The following XPO6 variants were observed in gnomAD, a reference collection of about 807,000 sequenced individuals.
The protein encoded by XPO6 is exportin 6.
In XPO6, 3 loss-of-function variants were observed where a neutral mutation model predicts 130.0. The observed-to-expected ratio is 0.02, with a 90% CI of 0.01 to 0.06. XPO6 has a LOEUF of 0.06. Ranked by LOEUF, XPO6 falls within the 10% of genes least tolerant of loss-of-function variation. XPO6 has a pLI of 1.00. For missense variants in XPO6, 970 were observed against 1,393.0 expected, an observed-to-expected ratio of 0.70 and a Z score of 4.83; for synonymous variants, 524 against 548.9, an observed-to-expected ratio of 0.95 and a Z score of 0.63.
chr16:28,156,691 C>A lies in XPO6; in HGVS notation c.644-164G>T, dbSNP rs556381900. On this transcript the variant is annotated intron_variant, in intron 6 of 23. Transcript: ENST00000304658. ...AAATCTATATGCTCAAAGTTAAACA[C>A]TAATTAGGAAATTTTAACAGTACAG... is the stretch of plus-strand genomic sequence containing the variant. Among the ~76,000 whole-genome samples the A allele has an allele frequency of 3.9e-5, 6 of 152,102 alleles. 1 individual carries two copies. In the South Asian group the frequency reaches 1.2e-3, roughly 32 times the overall value.
At chr16:28,175,854 A>C (rs542928329) in intron 4 of XPO6, 44 bp downstream of exon 4, 3 of 1,576,352 alleles carry the variant, frequency 1.9e-6, no homozygotes, top group African/African-American at 2.7e-5. Flanking sequence ...CACTTCAACA[A>C]ACAAACTATT....
intron 1 of XPO6, among the ~76,000 whole-genome samples, chr16:28,184,207 T>C (rs932955244): frequency 2.0e-5 from 3 of 152,218 alleles, no homozygotes; most frequent in Non-Finnish European, 4.4e-5. Context: ...CCAAAGGCTA[T>C]TCAAAAACTT....
intron 5 of XPO6, 175 bp from the exon 6 acceptor site, chr16:28,166,760 G>C: frequency 1.0e-6 from 1 of 985,348 alleles, no homozygotes; most frequent in Non-Finnish European, 1.2e-6. Flanking sequence ...GCTATCTTCT[G>C]GCTCTCCACT....
chr16:28,194,948 C>T (rs1331975109), intron 1 of XPO6, among the ~76,000 whole-genome samples: 1 of 150,474 alleles, frequency 6.6e-6, no homozygotes, highest in East Asian at 1.9e-4. Flanking sequence ...TCCATGTCTT[C>T]ACACACACCA....
At position 28,101,971 on chromosome 16, in the gene XPO6, A is replaced by G. The variant is rs367883989; in HGVS notation, c.2947-26T>C. Reference sequence around the variant, plus strand: ...CTAGGAAATGAGACCACCATTTTATAAACTGCAAGACCAAGCACTTCTGGA... The same window carrying G: ...CTAGGAAATGAGACCACCATTTTATGAACTGCAAGACCAAGCACTTCTGGA... On this transcript the variant is annotated intron_variant, in intron 21 of 23. Coordinates refer to ENST00000304658, the MANE Select transcript of XPO6 (RefSeq NM_015171.4). The surrounding 1 kb of genome is among the most constrained non-coding windows in gnomAD (Gnocchi z 5.4). 2 of 1,596,486 alleles carry G rather than the reference A, an allele frequency of 1.3e-6. No homozygotes were observed. Among genetic ancestry groups the G allele is most frequent in the African/African-American group, 2.7e-5 (2 of 74,446 alleles).
rs8054256 is a variant in XPO6, at chr16:28,133,812, A to T, written c.1536+29T>A. 4.0e-3 allele frequency: 6,424 copies of T among 1,610,564 alleles called. 218 individuals are homozygous for T. In the African/African-American group the frequency reaches 0.076, roughly 19 times the overall value. Reference sequence around the variant, plus strand: ...GCTCTGTGTACAGAGAAATCGCTACACTCTCCACTCCCCCGGACAGCACAT... The same window carrying T: ...GCTCTGTGTACAGAGAAATCGCTACTCTCTCCACTCCCCCGGACAGCACAT... On this transcript the variant is annotated intron_variant, in intron 11 of 23. Transcript: ENST00000304658.
chr16:28,114,155 A>G (rs2086995896), intron 15 of XPO6, among the ~76,000 whole-genome samples: 1 of 151,678 alleles, frequency 6.6e-6, no homozygotes, highest in Non-Finnish European at 1.5e-5. Context: ...ATGGACATAA[A>G]AGGAACTCAT....
chr16:28,171,194 G>C (rs1320339388), intron 4 of XPO6, among the ~76,000 whole-genome samples: 1 of 151,734 alleles, frequency 6.6e-6, no homozygotes, highest in Non-Finnish European at 1.5e-5. Context: ...GGTACGGGCT[G>C]GGCGTGGTGG....
In XPO6 at chr16:28,152,749, A is replaced by G; in HGVS notation, c.1134T>C (p.Phe378=). 9 of 1,613,716 alleles carry G rather than the reference A, an allele frequency of 5.6e-6. No individual in the cohort carries two copies. The highest frequency in any genetic ancestry group is 7.6e-6 in the Non-Finnish European group (9 of 1,179,816). Residue 378 remains phenylalanine, a synonymous_variant, in exon 8 of 24, where the codon TTT becomes TTC. Coordinates refer to ENST00000304658, the MANE Select transcript of XPO6 (RefSeq NM_015171.4). ...IEKFTDFLRL[F]VSVHLRRIES... ...CGATTCTTCTTAGGTGAACACTCAC[A>G]AAGAGCCGAAGAAAGTCAGTAAACT...
intron 1 of XPO6, among the ~76,000 whole-genome samples, chr16:28,201,581 G>C (rs931747728): frequency 6.6e-6 from 1 of 152,220 alleles, no homozygotes; most frequent in African/African-American, 2.4e-5. Context: ...TCTTGGCCGG[G>C]CGTGGTGGCT....
chr16:28,201,350 C>A (rs2043949964), intron 1 of XPO6, among the ~76,000 whole-genome samples: 1 of 152,116 alleles, frequency 6.6e-6, no homozygotes, highest in Non-Finnish European at 1.5e-5. Context: ...TATTTTTACA[C>A]CTGACTCTTA....
In XPO6 at chr16:28,101,347, T is replaced by C; in HGVS notation, c.3276+111A>G. The C allele has an allele frequency of 1.1e-6, 1 of 921,234 alleles. No individual in the cohort carries two copies. The highest frequency in any genetic ancestry group is 1.7e-6 in the Non-Finnish European group (1 of 572,704). 57.1% of individuals were successfully genotyped at this position (921,234 alleles called of 1,614,324 possible). ...CGTGAGCTGCCGCCAAGCTGCAGGG[T>C]GGGCACAGACCACGCCCAGAGGCCT... On this transcript the variant is annotated intron_variant, in intron 23 of 23. Coordinates refer to ENST00000304658, the MANE Select transcript of XPO6 (RefSeq NM_015171.4). This position sits in a 1 kb window ranked among gnomAD's most constrained non-coding sequence, Gnocchi z 5.4.
intron 9 of XPO6, among the ~76,000 whole-genome samples, chr16:28,145,136 G>A (rs139200080): frequency 3.3e-5 from 5 of 152,232 alleles, no homozygotes; most frequent in African/African-American, 4.8e-5. Flanking sequence ...CAAATTACAC[G>A]AATCAGTTTT....
chr16:28,109,744 C>T (rs2086873554), intron 17 of XPO6, among the ~76,000 whole-genome samples: 1 of 152,180 alleles, frequency 6.6e-6, no homozygotes, highest in Admixed American at 6.5e-5. Context: ...TCCTAGATTA[C>T]ATCCTGGATT....
At chr16:28,139,711 T>C (rs930102820) in intron 9 of XPO6, among the ~76,000 whole-genome samples, 1 of 152,036 alleles carries the variant, frequency 6.6e-6, no homozygotes, top group Non-Finnish European at 1.5e-5. Context: ...AAGTTAAGTA[T>C]ATATACTGTA....
intron 4 of XPO6, among the ~76,000 whole-genome samples, chr16:28,174,592 T>C (rs1331066141): frequency 6.6e-6 from 1 of 152,198 alleles, no homozygotes; most frequent in Non-Finnish European, 1.5e-5. Flanking sequence ...AATAAATCTC[T>C]AGATAAATGA....
rs941392867 is a variant in XPO6 at position 28,098,542 on chromosome 16, A to G, written c.3374T>C (p.Leu1125Pro). The G allele has an allele frequency of 1.2e-6, 2 of 1,610,642 alleles. No homozygotes were observed. The highest frequency in any genetic ancestry group is 8.5e-7 in the Non-Finnish European group (1 of 1,177,842). The part of the protein sequence containing the change: ...NDSLPPGTVK[L>P] ...TGTCCCCAGGCAGTAGCAGGCCTAG[A>G]GCTTCACAGTGCCAGGGGGCAGGCT... is the stretch of plus-strand genomic sequence containing the variant. The change falls in exon 24 of 24, where the codon CTC (leucine) becomes CCC (proline). Residue 1125 changes from leucine to proline, a missense_variant. Coordinates refer to ENST00000304658, the MANE Select transcript of XPO6 (RefSeq NM_015171.4).
At chr16:28,184,228 G>A (rs1260618731) in intron 1 of XPO6, among the ~76,000 whole-genome samples, 2 of 152,288 alleles carry the variant, frequency 1.3e-5, no homozygotes, top group South Asian at 2.1e-4. Flanking sequence ...TATCTCCTGC[G>A]CTGCATTAAT....
chr16:28,189,216 G>C (rs1049011335), intron 1 of XPO6, among the ~76,000 whole-genome samples: 1 of 147,704 alleles, frequency 6.8e-6, no homozygotes, highest in Non-Finnish European at 1.5e-5. Context: ...AAAGTGCTGG[G>C]ATTAGAGGCA....
Sources: allele counts gnomAD v4.1 joint callset (sites outside exome capture counted in the v4.1 genomes callset), GRCh38; gene constraint gnomAD v4.1.1; non-coding constraint Gnocchi (gnomAD v3.1); transcripts MANE v1.5; gene names NCBI Gene and HGNC (gene_info 2026-07-23, HGNC 2026-07-21).